The following STRN3 variants were observed in gnomAD, a reference collection of about 807,000 sequenced individuals.
The protein encoded by STRN3 is striatin-3.
A neutral mutation model predicts 95.6 loss-of-function variants in STRN3; 29 were observed. The observed-to-expected ratio is 0.30, with a 90% CI of 0.23 to 0.41. STRN3 has a LOEUF of 0.41. Among genes scored for constraint, STRN3 ranks in the 10% least tolerant of loss-of-function variants. The pLI is 1.00. For synonymous variants in STRN3, 331 were observed against 357.6 expected (o/e 0.93, Z 0.84); for missense variants, 890 against 972.1 (o/e 0.92, Z 1.12).
chr14:31,013,695 G>A (rs1204097366), intron 1 of STRN3, among the ~76,000 whole-genome samples: 1 of 151,532 alleles, frequency 6.6e-6, no homozygotes, highest in Non-Finnish European at 1.5e-5. Flanking sequence ...CTGGGCTCAA[G>A]CAATCCTCTC....
At chr14:30,991,108 T>C (rs1881932827) in intron 1 of STRN3, among the ~76,000 whole-genome samples, 1 of 152,330 alleles carries the variant, frequency 6.6e-6, no homozygotes, top group South Asian at 2.1e-4. Flanking sequence ...GCAGTATTTC[T>C]AGGTTTTATT....
chr14:30,925,283 G>A lies in STRN3; in HGVS notation c.1099+3918C>T, dbSNP rs561920206. 2.4e-4 allele frequency among the ~76,000 whole-genome samples: 36 copies of A among 152,142 alleles called. 1 individual carries two copies. In the East Asian group the frequency reaches 4.6e-3, roughly 20 times the overall value. On this transcript the variant is annotated intron_variant, in intron 8 of 17. Transcript: ENST00000357479. The stretch of plus-strand genomic sequence containing the variant: ...GGGTGAGATGGAGTGAACGAGTTGG[G>A]AGACACAGAAACTTTAACTTAGCAC...
chr14:31,002,776 CTAGAG>C (rs1284767977), intron 1 of STRN3, among the ~76,000 whole-genome samples: 1 of 151,986 alleles, frequency 6.6e-6, no homozygotes, highest in Non-Finnish European at 1.5e-5. Flanking sequence ...TGTAAGGTAC[CTAGAG>C]TAGTCAAAAT....
intron 1 of STRN3, among the ~76,000 whole-genome samples, chr14:30,968,755 G>GAA (rs144072934): frequency 2.7e-5 from 4 of 150,364 alleles, no homozygotes; most frequent in African/African-American, 7.4e-5. Context: ...AAGTTGTGGA[G>GAA]AAAAAAAAGG....
intron 1 of STRN3, among the ~76,000 whole-genome samples, chr14:31,003,799 A>T (rs1391074296): frequency 6.8e-5 from 10 of 146,570 alleles, no homozygotes; most frequent in East Asian, 2.1e-4. Context: ...TCTTTCTTAA[A>T]AAAAAAAAAA....
intron 4 of STRN3, 98 bp downstream of exon 4, chr14:30,950,765 A>G: frequency 1.8e-6 from 2 of 1,134,584 alleles, no homozygotes; most frequent in Non-Finnish European, 2.6e-6. Flanking sequence ...AAAAACATAC[A>G]CATTGTCCCA....
intron 4 of STRN3, among the ~76,000 whole-genome samples, chr14:30,948,956 A>G (rs1474105157): frequency 6.6e-6 from 1 of 152,250 alleles, no homozygotes; most frequent in Non-Finnish European, 1.5e-5. Flanking sequence ...CAACCCAGGT[A>G]AAAATGACTG....
At chr14:30,936,186 T>C (rs552866257) in intron 6 of STRN3, among the ~76,000 whole-genome samples, 48 of 152,352 alleles carry the variant, frequency 3.2e-4, no homozygotes, top group African/African-American at 9.6e-4. Flanking sequence ...GTGCTGTACA[T>C]GAAGAGACAG....
intron 16 of STRN3, among the ~76,000 whole-genome samples, chr14:30,901,862 C>T (rs1016779148): frequency 6.6e-6 from 1 of 152,064 alleles, no homozygotes; most frequent in Non-Finnish European, 1.5e-5. Flanking sequence ...TCCACTGAGA[C>T]ATAGTTGTAA....
In STRN3 at chr14:30,928,622, C is replaced by T. The variant is rs187961017; in HGVS notation, c.1099+579G>A. The stretch of plus-strand genomic sequence containing the variant: ...AAAAATACATCCAGGCACCAAGACA[C>T]CCAGCAATGACTAAACAAACCCTAC... On this transcript the variant is annotated intron_variant, in intron 8 of 17. Coordinates refer to ENST00000357479, the MANE Select transcript of STRN3 (RefSeq NM_001083893.2). 1.9e-3 allele frequency among the ~76,000 whole-genome samples: 287 copies of T among 152,234 alleles called. 1 individual carries two copies. The highest frequency in any genetic ancestry group is 7.5e-3 in the Admixed American group (115 of 15,290).
chr14:30,945,991 T>C (rs551648479), intron 5 of STRN3, among the ~76,000 whole-genome samples: 2 of 152,288 alleles, frequency 1.3e-5, no homozygotes, highest in South Asian at 4.1e-4. Flanking sequence ...ATGGGTAAAT[T>C]TTATGATATG....
rs185365229 is a variant in STRN3, at chr14:30,928,124, T to C, written c.1099+1077A>G. ...ATACAATAAGCAGTTCACTCTATAG[T>C]CTTTTAATTCACATGCAATAACAAA... On this transcript the variant is annotated intron_variant, in intron 8 of 17. Transcript: ENST00000357479. 4.4e-3 allele frequency among the ~76,000 whole-genome samples: 670 copies of C among 152,194 alleles called. 2 individuals are homozygous for C. The highest frequency in any genetic ancestry group is 0.015 in the African/African-American group (636 of 41,520).
intron 1 of STRN3, among the ~76,000 whole-genome samples, chr14:30,973,704 C>A (rs1456695070): frequency 2.0e-5 from 3 of 152,180 alleles, no homozygotes; most frequent in Non-Finnish European, 4.4e-5. Flanking sequence ...CCTGTGAACA[C>A]TGATACTAAA....
intron 5 of STRN3, among the ~76,000 whole-genome samples, chr14:30,941,859 C>T (rs1216932902): frequency 6.6e-6 from 1 of 152,186 alleles, no homozygotes; most frequent in Non-Finnish European, 1.5e-5. Flanking sequence ...CTCCTGATCT[C>T]AAGTGTTCTG....
At chr14:30,996,990 C>G (rs1406042555) in intron 1 of STRN3, among the ~76,000 whole-genome samples, 1 of 151,638 alleles carries the variant, frequency 6.6e-6, no homozygotes, top group Non-Finnish European at 1.5e-5. Context: ...AAACTATTAA[C>G]AAGAGGCGAA....
chr14:31,013,889 T>TATTATTATTTGAGACAGAGTGTC (rs1555327142), intron 1 of STRN3, among the ~76,000 whole-genome samples: 6,453 of 141,916 alleles, frequency 0.045, 196 homozygotes, highest in Middle Eastern at 0.058. Context: ...TTATTATTAT[T>TATTATTATTTGAGACAGAGTGTC]ATTATTATTA....
intron 1 of STRN3, among the ~76,000 whole-genome samples, chr14:30,970,345 G>A (rs1171767803): frequency 2.0e-5 from 3 of 152,188 alleles, no homozygotes; most frequent in African/African-American, 7.2e-5. Context: ...GAGCTTTTAT[G>A]CCGTAGTTGG....
At chr14:30,952,367 T>A (rs1031881451) in intron 3 of STRN3, among the ~76,000 whole-genome samples, 5 of 152,126 alleles carry the variant, frequency 3.3e-5, no homozygotes, top group African/African-American at 1.2e-4. Flanking sequence ...TCAAATGTCC[T>A]CTTCAGACAT....
intron 1 of STRN3, among the ~76,000 whole-genome samples, chr14:30,994,318 C>T (rs1048478959): frequency 6.6e-6 from 1 of 152,208 alleles, no homozygotes; most frequent in African/African-American, 2.4e-5. Context: ...TAGATATCTT[C>T]AGGTGGTCTA....
Sources: allele counts gnomAD v4.1 joint callset (sites outside exome capture counted in the v4.1 genomes callset), GRCh38; gene constraint gnomAD v4.1.1; transcripts MANE v1.5; gene names NCBI Gene and HGNC (gene_info 2026-07-23, HGNC 2026-07-21).